CHMP4C: variants seen among roughly 807,000 people sequenced by gnomAD.
CHMP4C encodes the protein SNF7 homolog associated with Alix 3.
Under a neutral mutation model 29.0 loss-of-function variants are expected in CHMP4C, and 28 were observed. The observed-to-expected ratio is 0.97, with a 90% confidence interval of 0.72 to 1.32. The LOEUF is 1.32. Ranked by LOEUF, CHMP4C falls within the 40% of genes most tolerant of loss-of-function variation. The probability of loss-of-function intolerance (pLI) is 0.00; values close to 1 mark genes in which losing one functional copy is unlikely to be tolerated. For synonymous variants in CHMP4C, 106 were observed against 102.4 expected (o/e 1.04, Z -0.21); for missense variants, 291 against 281.0 (o/e 1.04, Z -0.25).
chr8:81,739,422 G>GT (rs1554592463), intron 1 of CHMP4C, among the ~76,000 whole-genome samples: 1 of 143,358 alleles, frequency 7.0e-6, no homozygotes, highest in African/African-American at 2.6e-5. Context: ...GGATTGTGGG[G>GT]GGGGGTGGAA....
intron 1 of CHMP4C, among the ~76,000 whole-genome samples, chr8:81,739,537 T>C (rs1303155814): frequency 6.6e-6 from 1 of 151,648 alleles, no homozygotes; most frequent in African/African-American, 2.4e-5. Context: ...AATGGAAACA[T>C]GATCCTCCCC....
intron 2 of CHMP4C, among the ~76,000 whole-genome samples, 164 bp downstream of exon 2, chr8:81,753,405 A>G (rs1376486589): frequency 6.6e-6 from 1 of 152,148 alleles, no homozygotes; most frequent in Non-Finnish European, 1.5e-5. Flanking sequence ...TATAGCAACA[A>G]CAACAAAAAA....
At chr8:81,751,984 A>C (rs1808909728) in intron 1 of CHMP4C, among the ~76,000 whole-genome samples, 1 of 152,174 alleles carries the variant, frequency 6.6e-6, no homozygotes, top group African/African-American at 2.4e-5. Context: ...AATGAATGGG[A>C]TAGAGAGTAA....
intron 1 of CHMP4C, among the ~76,000 whole-genome samples, chr8:81,735,275 G>A (rs536411417): frequency 1.3e-4 from 20 of 152,312 alleles, no homozygotes; most frequent in African/African-American, 4.8e-4. Context: ...AGAGCTTCTA[G>A]AGTGACTCTG....
intron 1 of CHMP4C, among the ~76,000 whole-genome samples, chr8:81,745,798 C>G (rs1808816392): frequency 1.3e-5 from 2 of 152,164 alleles, no homozygotes. Flanking sequence ...CAAAGGAATA[C>G]AGTAGATTCC....
intron 3 of CHMP4C, among the ~76,000 whole-genome samples, chr8:81,757,482 A>G (rs1231057437): frequency 1.3e-5 from 2 of 152,206 alleles, no homozygotes; most frequent in African/African-American, 4.8e-5. Flanking sequence ...CAGAATTGGC[A>G]TAAGGTGACT....
At chr8:81,748,108 T>C (rs925426232) in intron 1 of CHMP4C, among the ~76,000 whole-genome samples, 5 of 152,158 alleles carry the variant, frequency 3.3e-5, no homozygotes, top group Admixed American at 6.5e-5. Context: ...AGAAAAAGAA[T>C]TCAGCGATAT....
At chr8:81,733,051 T>C in intron 1 of CHMP4C, 1 of 393,054 alleles carries the variant, frequency 2.5e-6, no homozygotes, top group Non-Finnish European at 4.5e-6. Context: ...GAACAATACT[T>C]TAATGCAATA....
intron 1 of CHMP4C, among the ~76,000 whole-genome samples, chr8:81,734,861 C>A: frequency 6.6e-6 from 1 of 150,824 alleles, no homozygotes. Flanking sequence ...TTCCTTAAAT[C>A]AAGAAAGTTA....
chr8:81,749,446 T>C (rs1808869533), intron 1 of CHMP4C, among the ~76,000 whole-genome samples: 1 of 152,200 alleles, frequency 6.6e-6, no homozygotes, highest in Non-Finnish European at 1.5e-5. Context: ...GACAAGGTGC[T>C]GGGGAAACAG....
In CHMP4C at chr8:81,732,713, T is replaced by C; in HGVS notation, c.87T>C (p.Leu29=). ...APSPQEALVR[L]RETEEMLGKK... Reference sequence around the variant, plus strand: ...GTCCCCAGGAGGCCCTGGTCCGACTTCGGGAGACTGAGGAGATGCTGGGCA... The same window carrying C: ...GTCCCCAGGAGGCCCTGGTCCGACTCCGGGAGACTGAGGAGATGCTGGGCA... The change falls in exon 1 of 5, where the codon CTT becomes CTC. Residue 29 remains leucine, a synonymous_variant. Transcript: ENST00000297265. 2 of 1,600,490 alleles carry C rather than the reference T, an allele frequency of 1.2e-6. No individual in the cohort carries two copies. The highest frequency in any genetic ancestry group is 1.3e-5 in the African/African-American group (1 of 74,926).
At chr8:81,758,321 T>TG (rs1193143922) in intron 4 of CHMP4C, 26 bp downstream of exon 4, 2 of 1,611,610 alleles carry the variant, frequency 1.2e-6, no homozygotes, top group Admixed American at 1.7e-5. Context: ...CAACTACATG[T>TG]GGTCAGATAG....
At chr8:81,745,555 A>G (rs546377322) in intron 1 of CHMP4C, among the ~76,000 whole-genome samples, 21 of 152,378 alleles carry the variant, frequency 1.4e-4, no homozygotes, top group Non-Finnish European at 2.6e-4. Flanking sequence ...TTTGGCATAA[A>G]TGACTGAAAG....
chr8:81,753,308 T>TC, intron 2 of CHMP4C, 67 bp downstream of exon 2: 1 of 1,277,464 alleles, frequency 7.8e-7, no homozygotes, highest in Non-Finnish European at 1.0e-6. Context: ...TTTGGAACCA[T>TC]ATGATGGTTT....
chr8:81,744,683 C>T (rs566495135), intron 1 of CHMP4C, among the ~76,000 whole-genome samples: 6 of 152,194 alleles, frequency 3.9e-5, no homozygotes, highest in African/African-American at 1.2e-4. Context: ...AACTTACACA[C>T]GTTAGTATCC....
At chr8:81,736,093 A>C (rs1585940050) in intron 1 of CHMP4C, among the ~76,000 whole-genome samples, 1 of 3,574 alleles carries the variant, frequency 2.8e-4, no homozygotes, top group Non-Finnish European at 6.1e-4. Context: ...CTCAATAAAT[A>C]AATAAATAAA....
chr8:81,735,421 A>G (rs574911801), intron 1 of CHMP4C, among the ~76,000 whole-genome samples: 1 of 150,952 alleles, frequency 6.6e-6, no homozygotes, highest in African/African-American at 2.5e-5. Flanking sequence ...CATATACTTC[A>G]TAACTTCATA....
chr8:81,758,614 T>C lies in CHMP4C; in HGVS notation c.*70T>C. On this transcript the variant is annotated 3_prime_UTR_variant, in exon 5 of 5. Transcript: ENST00000297265. ...AATATAAAAAATGTTTTTACCAAGT[T>C]CAGAAGTTAACAAAGACTCTGCTTT... 9.7e-7 allele frequency: 1 copy of C among 1,030,486 alleles called. No individual in the cohort carries two copies. Among genetic ancestry groups the C allele is most frequent in the Non-Finnish European group, 1.5e-6 (1 of 666,094 alleles). 63.8% of individuals were successfully genotyped at this position (1,030,486 alleles called of 1,614,324 possible). A position where few individuals can be genotyped will look rare whatever the true frequency, so the allele number is the denominator to read the frequency against.
intron 1 of CHMP4C, among the ~76,000 whole-genome samples, chr8:81,735,817 T>C (rs1808681355): frequency 6.6e-6 from 1 of 152,174 alleles, no homozygotes; most frequent in Non-Finnish European, 1.5e-5. Flanking sequence ...CAGGACATGG[T>C]GGCTCATTCC....
Sources: allele counts gnomAD v4.1 joint callset (sites outside exome capture counted in the v4.1 genomes callset), GRCh38; gene constraint gnomAD v4.1.1; transcripts MANE v1.5; gene names NCBI Gene and HGNC (gene_info 2026-07-23, HGNC 2026-07-21).